The following SMARCA2 variants were observed in gnomAD, a reference collection of about 807,000 sequenced individuals.
SMARCA2 encodes SWI/SNF-related matrix-associated actin-dependent regulator of chromatin subfamily A member 2.
In SMARCA2, 61 loss-of-function variants were observed where a neutral mutation model predicts 199.8. The ratio of observed to expected loss-of-function variants is 0.31; its 90% CI spans 0.25 to 0.38. The LOEUF is 0.38. Among genes scored for constraint, SMARCA2 ranks in the 10% least tolerant of loss-of-function variants. The pLI is 1.00. For synonymous variants in SMARCA2, 935 were observed against 732.0 expected (o/e 1.28, Z -4.48); for missense variants, 1,344 against 2,012.2 (o/e 0.67, Z 6.35).
chr9:2,177,582 C>T (rs542525408), intron 29 of SMARCA2, among the ~76,000 whole-genome samples: 380 of 151,362 alleles, frequency 2.5e-3, no homozygotes, highest in Non-Finnish European at 4.0e-3. Flanking sequence ...AACTGAGTTT[C>T]GCTCTCGTTG....
chr9:2,061,964 G>T (rs943829671), intron 9 of SMARCA2, among the ~76,000 whole-genome samples: 1 of 152,084 alleles, frequency 6.6e-6, no homozygotes, highest in Non-Finnish European at 1.5e-5. Flanking sequence ...GATGACTCAG[G>T]GCTTGTGTTT....
At chr9:2,114,363 C>T (rs1047273795) in intron 24 of SMARCA2, among the ~76,000 whole-genome samples, 23 of 152,072 alleles carry the variant, frequency 1.5e-4, no homozygotes, top group Admixed American at 8.5e-4. Context: ...TTTAAAGGTC[C>T]CTGCAGCAAA....
intron 1 of SMARCA2, among the ~76,000 whole-genome samples, chr9:2,021,516 C>A (rs144093198): frequency 1.4e-3 from 217 of 152,300 alleles, no homozygotes; most frequent in Non-Finnish European, 8.5e-4. Context: ...TACCATCCCA[C>A]TGGGAGATGC....
intron 9 of SMARCA2, among the ~76,000 whole-genome samples, chr9:2,069,655 T>C (rs1821006500): frequency 6.6e-6 from 1 of 152,152 alleles, no homozygotes; most frequent in Admixed American, 6.5e-5. Flanking sequence ...AAATACTATA[T>C]GTTATGAAAG....
At position 2,056,897 on chromosome 9, in the gene SMARCA2, G is replaced by T. The variant is rs769946314; in HGVS notation, c.1347+52G>T. ...CCTCACTTTGGCAGAGCTGTCCAAT[G>T]AATTCATCAAATGGGGTCAGAATGA... On this transcript the variant is annotated intron_variant, in intron 7 of 33. Transcript: ENST00000349721. This position sits in a 1 kb window ranked among gnomAD's most constrained non-coding sequence, Gnocchi z 4.0. The T allele has an allele frequency of 6.5e-7, 1 of 1,544,292 alleles. No individual in the cohort carries two copies. Among genetic ancestry groups the T allele is most frequent in the South Asian group, 1.2e-5 (1 of 85,624 alleles).
chr9:2,149,651 C>T (rs1259585394), intron 27 of SMARCA2, among the ~76,000 whole-genome samples: 2 of 151,624 alleles, frequency 1.3e-5, no homozygotes, highest in Non-Finnish European at 1.5e-5. Flanking sequence ...CTTCGCACAA[C>T]ATGTGGGAAT....
At chr9:2,181,793 G>GGAAAGGTTGGGATGTCCT in intron 30 of SMARCA2, 117 bp downstream of exon 30, 1 of 650,154 alleles carries the variant, frequency 1.5e-6, no homozygotes, top group South Asian at 1.8e-5. Context: ...GCTCGCGACA[G>GGAAAGGTTGGGATGTCCT]GAAAGGTTGG....
chr9:2,188,250 C>T (rs1199026234), intron 32 of SMARCA2, among the ~76,000 whole-genome samples: 1 of 151,996 alleles, frequency 6.6e-6, no homozygotes, highest in Non-Finnish European at 1.5e-5. Context: ...GTTAATTATA[C>T]TCTGTTAATC....
Position 2,104,416 on chromosome 9 carries a change from TAAATA to T in SMARCA2, c.3292+257_3292+261del, listed in dbSNP as rs1028683946. On this transcript the variant is annotated intron_variant, in intron 23 of 33. Coordinates refer to ENST00000349721, the MANE Select transcript of SMARCA2 (RefSeq NM_003070.5). The surrounding 1 kb of genome is among the most constrained non-coding windows in gnomAD (Gnocchi z 4.0). ...GAGTTTAGAGTCACTTTTGAGTACC[TAAATA>T]AAATAAAATTAAACTAAATTAAAAT... Among the ~76,000 whole-genome samples the T allele has an allele frequency of 2.0e-5, 3 of 152,196 alleles. No individual in the cohort carries two copies. The highest frequency in any genetic ancestry group is 2.9e-5 in the Non-Finnish European group (2 of 68,024).
At chr9:2,176,182 G>GTGTTTTTTTTTTT (rs1826577510) in intron 29 of SMARCA2, among the ~76,000 whole-genome samples, 1 of 104,160 alleles carries the variant, frequency 9.6e-6, no homozygotes, top group African/African-American at 3.7e-5. Flanking sequence ...CGCCCGGCCT[G>GTGTTTTTTTTTTT]TTTTTTTTTT....
At chr9:2,154,257 G>A (rs1825225039) in intron 27 of SMARCA2, among the ~76,000 whole-genome samples, 1 of 152,184 alleles carries the variant, frequency 6.6e-6, no homozygotes, top group African/African-American at 2.4e-5. Flanking sequence ...AGCCAATGTT[G>A]CTGCTGCTGC....
chr9:2,063,733 G>A lies in SMARCA2; in HGVS notation c.1692+2747G>A, dbSNP rs969457052. ...ACCTTTTATTTTCAGCGTTAAACTAGTGTACAATTTTTTTTTTTTAATTCC... is the reference window on the plus strand; with the variant it reads ...ACCTTTTATTTTCAGCGTTAAACTAATGTACAATTTTTTTTTTTTAATTCC... On this transcript the variant is annotated intron_variant, in intron 9 of 33. Coordinates refer to ENST00000349721, the MANE Select transcript of SMARCA2 (RefSeq NM_003070.5). Among the ~76,000 whole-genome samples, 8 of 66,728 alleles carry A rather than the reference G, an allele frequency of 1.2e-4. No individual in the cohort carries two copies. In the East Asian group the frequency reaches 3.0e-3, roughly 25 times the overall value. 43.8% of individuals were successfully genotyped at this position (66,728 alleles called of 152,430 possible).
intron 22 of SMARCA2, among the ~76,000 whole-genome samples, chr9:2,102,596 A>T (rs932468015): frequency 6.6e-6 from 1 of 152,214 alleles, no homozygotes; most frequent in Non-Finnish European, 1.5e-5. Context: ...AGTCCTGTTG[A>T]TAAAAGAAAA....
intron 32 of SMARCA2, among the ~76,000 whole-genome samples, chr9:2,186,886 T>C (rs2129950507): frequency 6.6e-6 from 1 of 152,338 alleles, no homozygotes; most frequent in African/African-American, 2.4e-5. Flanking sequence ...TCTACAACAC[T>C]GCTGCTAATG....
intron 4 of SMARCA2, chr9:2,041,324 C>T: frequency 2.5e-6 from 1 of 398,590 alleles, no homozygotes; most frequent in Non-Finnish European, 4.4e-6. Flanking sequence ...AAATTTATTT[C>T]TTACAGCTCT....
Position 2,170,937 on chromosome 9 carries a change from G to C in SMARCA2, c.4253+465G>C, listed in dbSNP as rs1290605454. On this transcript the variant is annotated intron_variant, in intron 29 of 33. Coordinates refer to ENST00000349721, the MANE Select transcript of SMARCA2 (RefSeq NM_003070.5). The surrounding 1 kb of genome is among the most constrained non-coding windows in gnomAD (Gnocchi z 4.7). ...CACGCTGTGTCTGCATTCCAGAGTTGATCATGGCATGCAGAGGGCAATTGC... is the reference window on the plus strand; with the variant it reads ...CACGCTGTGTCTGCATTCCAGAGTTCATCATGGCATGCAGAGGGCAATTGC... Among the ~76,000 whole-genome samples, 2 of 152,218 alleles carry C rather than the reference G, an allele frequency of 1.3e-5. No individual in the cohort carries two copies. Among genetic ancestry groups the C allele is most frequent in the Admixed American group, 1.3e-4 (2 of 15,284 alleles).
At chr9:2,082,310 T>TGG in intron 15 of SMARCA2, among the ~76,000 whole-genome samples, 1 of 111,618 alleles carries the variant, frequency 9.0e-6, no homozygotes, top group Non-Finnish European at 1.8e-5. Flanking sequence ...GGGAAAGGTG[T>TGG]GTGTGTGTGT....
At chr9:2,089,299 A>C (rs989179029) in intron 19 of SMARCA2, among the ~76,000 whole-genome samples, 4 of 152,132 alleles carry the variant, frequency 2.6e-5, no homozygotes, top group African/African-American at 9.7e-5. Flanking sequence ...GTTTCTGATC[A>C]TATTTTGGAA....
rs773743943 is a variant in SMARCA2 at position 2,192,756 on chromosome 9, TC to T, written c.*19del. 111 of 1,593,098 alleles carry T rather than the reference TC, an allele frequency of 7.0e-5. No individual in the cohort carries two copies. Among genetic ancestry groups the T allele is most frequent in the Non-Finnish European group, 9.0e-5 (104 of 1,161,128 alleles). On this transcript the variant is annotated 3_prime_UTR_variant, in exon 34 of 34. Transcript: ENST00000349721. ...GATGAGTGATCAGTATGGACCTTTT[TC>T]CTTGGTAGAACTGAATTCCTTCCTC...
Sources: gnomAD v4.1 joint callset for allele counts (sites outside exome capture counted in the v4.1 genomes callset) on GRCh38, gnomAD v4.1.1 for gene constraint, Gnocchi (gnomAD v3.1) non-coding constraint, MANE v1.5 for transcripts, NCBI Gene and HGNC (gene_info 2026-07-23, HGNC 2026-07-21) for gene names.